Variants in ATXN2 observed in about 807,000 individuals in gnomAD.
ATXN2 encodes ataxin 2.
A neutral mutation model predicts 138.6 loss-of-function variants in ATXN2; 37 were observed. The ratio of observed to expected loss-of-function variants is 0.27; its 90% CI spans 0.21 to 0.35. The LOEUF is 0.35. Ranked by LOEUF, ATXN2 falls within the 10% of genes least tolerant of loss-of-function variation. The pLI is 1.00. For synonymous variants in ATXN2, 549 were observed against 543.7 expected (o/e 1.01, Z -0.13); for missense variants, 1,216 against 1,480.3 (o/e 0.82, Z 2.93).
chr12:111,484,627 G>A (rs1877511120), intron 18 of ATXN2, among the ~76,000 whole-genome samples: 1 of 152,082 alleles, frequency 6.6e-6, no homozygotes, highest in African/African-American at 2.4e-5. Flanking sequence ...GTAGAGATGG[G>A]GTTTCGCCAT....
rs11462759 is a variant in ATXN2 at position 111,540,696 on chromosome 12, CTT to C, written c.571+11582_571+11583del. On this transcript the variant is annotated intron_variant, in intron 5 of 24. Transcript: ENST00000673436. ...ATGGTACTTTTGGACACGTCTAAGT[CTT>C]TTTTTTTTTTTTTTTTGAGATGGAG... 2.0e-3 allele frequency among the ~76,000 whole-genome samples: 255 copies of C among 126,230 alleles called. 1 individual carries two copies. Among genetic ancestry groups the C allele is most frequent in the African/African-American group, 7.1e-3 (239 of 33,732 alleles). 82.8% of individuals were successfully genotyped at this position (126,230 alleles called of 152,430 possible).
intron 14 of ATXN2, among the ~76,000 whole-genome samples, chr12:111,500,105 T>G (rs917690021): frequency 6.6e-6 from 1 of 152,218 alleles, no homozygotes; most frequent in Non-Finnish European, 1.5e-5. Context: ...GCAATTGCAC[T>G]GCTAGGTATA....
intron 21 of ATXN2, 76 bp from the exon 22 acceptor site, chr12:111,457,435 T>G (rs550566820): frequency 2.0e-6 from 3 of 1,476,872 alleles, no homozygotes; most frequent in East Asian, 4.6e-5. Context: ...CTTCATCAAC[T>G]GAACTTTCTT....
intron 5 of ATXN2, among the ~76,000 whole-genome samples, chr12:111,550,483 C>G (rs1020920713): frequency 2.6e-5 from 4 of 152,036 alleles, no homozygotes; most frequent in African/African-American, 9.7e-5. Context: ...GTGGCCAATA[C>G]TCTTTCCAGA....
chr12:111,486,456 G>A (rs189301594), intron 16 of ATXN2, among the ~76,000 whole-genome samples: 1 of 152,202 alleles, frequency 6.6e-6, no homozygotes, highest in Non-Finnish European at 1.5e-5. Flanking sequence ...GTTGAATCCA[G>A]TGATGCAAAA....
intron 5 of ATXN2, among the ~76,000 whole-genome samples, chr12:111,527,629 T>A (rs1880571193): frequency 6.6e-6 from 1 of 152,162 alleles, no homozygotes; most frequent in African/African-American, 2.4e-5. Flanking sequence ...GCAGCACTAC[T>A]CCCATTGCTA....
At chr12:111,519,755 AATTCTACTTGC>A in intron 8 of ATXN2, 113 bp downstream of exon 8, 1 of 1,497,630 alleles carries the variant, frequency 6.7e-7, no homozygotes, top group Non-Finnish European at 9.0e-7. Context: ...ATCTTAAACC[AATTCTACTTGC>A]ATTCTCTACC....
At chr12:111,537,299 A>G (rs575059088) in intron 5 of ATXN2, among the ~76,000 whole-genome samples, 3 of 152,214 alleles carry the variant, frequency 2.0e-5, no homozygotes, top group Admixed American at 1.3e-4. Flanking sequence ...ATCATAATAT[A>G]TATGGCCAGA....
chr12:111,545,664 A>G (rs1881764641), intron 5 of ATXN2, among the ~76,000 whole-genome samples: 1 of 152,076 alleles, frequency 6.6e-6, no homozygotes, highest in Non-Finnish European at 1.5e-5. Context: ...CTAAAACCAG[A>G]GGAAAAATAA....
At chr12:111,579,503 C>A (rs1245832260) in intron 1 of ATXN2, among the ~76,000 whole-genome samples, 2 of 151,990 alleles carry the variant, frequency 1.3e-5, no homozygotes, top group Non-Finnish European at 2.9e-5. Context: ...CTTAGGTGAT[C>A]CGCCTGCCTC....
chr12:111,566,623 G>A (rs973229111), intron 1 of ATXN2, among the ~76,000 whole-genome samples: 1 of 150,816 alleles, frequency 6.6e-6, no homozygotes, highest in African/African-American at 2.4e-5. Context: ...AGGAGTTTTA[G>A]AGGAAATTGC....
At chr12:111,570,795 G>A (rs1592913461) in intron 1 of ATXN2, among the ~76,000 whole-genome samples, 1 of 152,164 alleles carries the variant, frequency 6.6e-6, no homozygotes, top group South Asian at 2.1e-4. Context: ...CCTGGAAGCA[G>A]AGATAATGTT....
At chr12:111,577,187 AGAAG>A (rs1883714385) in intron 1 of ATXN2, among the ~76,000 whole-genome samples, 2 of 152,186 alleles carry the variant, frequency 1.3e-5, no homozygotes, top group South Asian at 4.1e-4. Flanking sequence ...CTCTAAATCT[AGAAG>A]GAAGATAATG....
At chr12:111,542,555 T>A (rs1753062992) in intron 5 of ATXN2, among the ~76,000 whole-genome samples, 1 of 152,102 alleles carries the variant, frequency 6.6e-6, no homozygotes, top group Non-Finnish European at 1.5e-5. Flanking sequence ...CAGCCTTGAC[T>A]TACTGGCTGC....
At position 111,598,322 on chromosome 12, in the gene ATXN2, A is replaced by C; in HGVS notation, c.251+462T>G. The C allele has an allele frequency of 1.0e-6, 1 of 995,898 alleles. No homozygotes were observed. The highest frequency in any genetic ancestry group is 1.2e-6 in the Non-Finnish European group (1 of 836,108). The allele number at this position is 995,898 out of a possible 1,614,324, so 61.7% of individuals were successfully genotyped here. A position where few individuals can be genotyped will look rare whatever the true frequency, so the allele number is the denominator to read the frequency against. On this transcript the variant is annotated intron_variant, in intron 1 of 24. Coordinates refer to ENST00000673436, the MANE Select transcript of ATXN2 (RefSeq NM_001372574.1). The surrounding 1 kb of genome is among the most constrained non-coding windows in gnomAD (Gnocchi z 4.5). Reference sequence around the variant, plus strand: ...CGGCCCTAACTTCTCCCCTCCAGAGATGTCCCCCATGGAGGGGGACATGTT... The same window carrying C: ...CGGCCCTAACTTCTCCCCTCCAGAGCTGTCCCCCATGGAGGGGGACATGTT...
intron 18 of ATXN2, among the ~76,000 whole-genome samples, chr12:111,483,194 T>TACACACACATAC (rs1877376691): frequency 1.0e-5 from 1 of 95,422 alleles, no homozygotes; most frequent in Non-Finnish European, 1.9e-5. Context: ...ATCAAACACA[T>TACACACACATAC]ACACACACAC....
At chr12:111,474,426 C>T (rs1876648361) in intron 18 of ATXN2, among the ~76,000 whole-genome samples, 1 of 151,632 alleles carries the variant, frequency 6.6e-6, no homozygotes, top group African/African-American at 2.4e-5. Context: ...AACAAAAAAA[C>T]AAAGAAGAAG....
At chr12:111,526,492 C>T (rs1482494774) in intron 5 of ATXN2, among the ~76,000 whole-genome samples, 1 of 151,542 alleles carries the variant, frequency 6.6e-6, no homozygotes, top group Non-Finnish European at 1.5e-5. Context: ...GCAACATCCA[C>T]CTTCCAGGTT....
chr12:111,455,144 T>C (rs559250311), intron 23 of ATXN2: 66 of 702,788 alleles, frequency 9.4e-5, no homozygotes, highest in Non-Finnish European at 1.3e-4. Flanking sequence ...ATGGAATTCA[T>C]TGTGGCAGGT....
Sources: allele counts gnomAD v4.1 joint callset (sites outside exome capture counted in the v4.1 genomes callset), GRCh38; gene constraint gnomAD v4.1.1; non-coding constraint Gnocchi (gnomAD v3.1); transcripts MANE v1.5; gene names NCBI Gene and HGNC (gene_info 2026-07-23, HGNC 2026-07-21).